The following MED26 variants were observed in gnomAD, a reference collection of about 807,000 sequenced individuals.
The protein encoded by MED26 is mediator complex subunit 26.
Under a neutral mutation model 43.7 loss-of-function variants are expected in MED26, and 7 were observed. The ratio of observed to expected loss-of-function variants is 0.16; its 90% CI spans 0.09 to 0.30. The LOEUF is 0.30. Ranked by LOEUF, MED26 falls within the 10% of genes least tolerant of loss-of-function variation. The pLI is 1.00. For missense variants in MED26, 784 were observed against 840.6 expected (o/e 0.93, Z 0.83); for synonymous variants, 375 against 371.1 (o/e 1.01, Z -0.12).
intron 1 of MED26, among the ~76,000 whole-genome samples, chr19:16,618,271 G>A (rs2086234869): frequency 1.3e-5 from 2 of 152,132 alleles, no homozygotes; most frequent in Non-Finnish European, 2.9e-5. Flanking sequence ...GTGGGGTTCA[G>A]GCCACCTGGA....
At chr19:16,596,219 C>A (rs1296854687) in intron 1 of MED26, among the ~76,000 whole-genome samples, 5 of 152,158 alleles carry the variant, frequency 3.3e-5, no homozygotes, top group Non-Finnish European at 7.3e-5. Flanking sequence ...AGTGCAATGA[C>A]CCCATCACAA....
At chr19:16,605,652 G>A (rs1446393302) in intron 1 of MED26, among the ~76,000 whole-genome samples, 4 of 152,194 alleles carry the variant, frequency 2.6e-5, no homozygotes, top group Non-Finnish European at 4.4e-5. Context: ...CCAGCCAGGC[G>A]GCACTAGAGG....
At chr19:16,602,418 C>A (rs1451347446) in intron 1 of MED26, among the ~76,000 whole-genome samples, 1 of 152,150 alleles carries the variant, frequency 6.6e-6, no homozygotes, top group African/African-American at 2.4e-5. Context: ...TGAATGGGAC[C>A]CTGAATGCCA....
chr19:16,577,362 G>C lies in MED26; in HGVS notation c.468C>G (p.Leu156=). Residue 156 remains leucine, a synonymous_variant, in exon 3 of 3, where the codon CTC becomes CTG. Transcript: ENST00000263390. This position sits in a 1 kb window ranked among gnomAD's most constrained non-coding sequence, Gnocchi z 8.1. ...CCTTGGGTGGCGGCCCTGGGTGGCCGAGGTCACGCTGGTCACCCCGGCGCT... is the reference window on the plus strand; with the variant it reads ...CCTTGGGTGGCGGCCCTGGGTGGCCCAGGTCACGCTGGTCACCCCGGCGCT... ...SRKRRGDQRD[L]GHPGPPPKVS... 6.2e-7 allele frequency: 1 copy of C among 1,611,452 alleles called. No homozygotes were observed. The highest frequency in any genetic ancestry group is 8.5e-7 in the Non-Finnish European group (1 of 1,179,114).
At chr19:16,595,313 C>T (rs2086115246) in intron 1 of MED26, among the ~76,000 whole-genome samples, 1 of 152,164 alleles carries the variant, frequency 6.6e-6, no homozygotes, top group African/African-American at 2.4e-5. Context: ...GCTGTGCTGA[C>T]CGAGCACACC....
chr19:16,584,527 C>G (rs1159377621), intron 1 of MED26, among the ~76,000 whole-genome samples: 1 of 152,172 alleles, frequency 6.6e-6, no homozygotes, highest in East Asian at 1.9e-4. Context: ...TCAGAAGCAG[C>G]CTGGGTCAGG....
intron 1 of MED26, among the ~76,000 whole-genome samples, chr19:16,605,544 C>T (rs772257888): frequency 1.2e-4 from 18 of 152,338 alleles, no homozygotes; most frequent in Admixed American, 5.2e-4. Flanking sequence ...TAGGATTGGC[C>T]AGGCTGCCCC....
At chr19:16,589,630 T>C (rs2086087077) in intron 1 of MED26, among the ~76,000 whole-genome samples, 1 of 152,178 alleles carries the variant, frequency 6.6e-6, no homozygotes, top group Admixed American at 6.5e-5. Context: ...GGAGAGGACG[T>C]TGAAGATGGC....
intron 1 of MED26, among the ~76,000 whole-genome samples, chr19:16,607,128 T>C (rs75759118): frequency 0.042 from 6,369 of 152,134 alleles, 180 homozygotes; most frequent in African/African-American, 0.085. Context: ...GATCGCTTGA[T>C]GCCAGGAGTT....
rs193034009 is a variant in MED26 at position 16,587,321 on chromosome 19, C to T, written c.73-8912G>A. On this transcript the variant is annotated intron_variant, in intron 1 of 2. Coordinates refer to ENST00000263390, the MANE Select transcript of MED26 (RefSeq NM_004831.5). The surrounding 1 kb of genome is among the most constrained non-coding windows in gnomAD (Gnocchi z 4.9). ...ACAAGAGGCGGCACCTGCATCCCCA[C>T]CCCACCTCCACCCCAAGACCCCAGC... 7.0e-3 allele frequency: 1,074 copies of T among 152,406 alleles called. 3 individuals are homozygous for T. The highest frequency in any genetic ancestry group is 9.4e-3 in the Non-Finnish European group (644 of 68,168). 9.4% of individuals were successfully genotyped at this position (152,406 alleles called of 1,614,324 possible).
Position 16,576,965 on chromosome 19 carries a change from T to C in MED26, c.865A>G (p.Ser289Gly). The C allele has an allele frequency of 6.3e-7, 1 of 1,598,670 alleles. No homozygotes were observed. Among genetic ancestry groups the C allele is most frequent in the Non-Finnish European group, 8.5e-7 (1 of 1,170,358 alleles). Residue 289 changes from serine (S) to glycine (G), a missense_variant, in exon 3 of 3, where the codon AGC becomes GGC. Transcript: ENST00000263390. This position sits in a 1 kb window ranked among gnomAD's most constrained non-coding sequence, Gnocchi z 6.8. ...ACGGAGCCCTTGGGTGCATACAAGC[T>C]CTGCTGCCGGGCAAAGGAGCCCTCA... is the stretch of plus-strand genomic sequence containing the variant. ...RHEGSFARQQ[S>G]LYAPKGSVPS...
In MED26 at chr19:16,619,460, T is replaced by C. The variant is rs527627772; in HGVS notation, c.72+8412A>G. ...CAAGCTGGGCCAGGAACCTGATGAC[T>C]AGAACGGGGGACATCAAAACAAGTC... On this transcript the variant is annotated intron_variant, in intron 1 of 2. Coordinates refer to ENST00000263390, the MANE Select transcript of MED26 (RefSeq NM_004831.5). 3.9e-5 allele frequency among the ~76,000 whole-genome samples: 6 copies of C among 152,296 alleles called. No homozygotes were observed. In the East Asian group the frequency reaches 9.6e-4, roughly 24 times the overall value.
In MED26 at chr19:16,576,494, C is replaced by T; in HGVS notation, c.1336G>A (p.Asp446Asn). Residue 446 changes from aspartate to asparagine, a missense_variant, in exon 3 of 3, where the codon GAC (aspartate) becomes AAC (asparagine). Transcript: ENST00000263390. This position sits in a 1 kb window ranked among gnomAD's most constrained non-coding sequence, Gnocchi z 6.8. ...TGCTGCTCCATGTGCACAGGGCTGT[C>T]TGCCCGCACTGGCTCTTTCTGGGTC... ...PLTQKEPVRADSPVHMEQQSR... is the reference protein window; with the variant it reads ...PLTQKEPVRANSPVHMEQQSR... The T allele has an allele frequency of 6.2e-7, 1 of 1,614,228 alleles. No homozygotes were observed. The highest frequency in any genetic ancestry group is 8.5e-7 in the Non-Finnish European group (1 of 1,180,054).
At chr19:16,593,631 C>T (rs1056502159) in intron 1 of MED26, among the ~76,000 whole-genome samples, 1 of 152,194 alleles carries the variant, frequency 6.6e-6, no homozygotes, top group African/African-American at 2.4e-5. Context: ...AGGGGTCTCC[C>T]TCTGTGGCAA....
At chr19:16,590,995 G>A (rs2086094278) in intron 1 of MED26, among the ~76,000 whole-genome samples, 1 of 151,672 alleles carries the variant, frequency 6.6e-6, no homozygotes, top group South Asian at 2.1e-4. Flanking sequence ...AGCTGAGATT[G>A]CACCACTGCA....
rs61734286 is a variant in MED26 at position 16,577,059 on chromosome 19, G to A, written c.771C>T (p.Asp257=). 5.2e-3 allele frequency: 8,426 copies of A among 1,608,076 alleles called. 405 individuals carry two copies. The African/African-American group carries it at 0.1, about 19-fold the overall frequency. The change falls in exon 3 of 3, where the codon GAC becomes GAT. Residue 257 remains aspartate, a synonymous_variant. Transcript: ENST00000263390. The surrounding 1 kb of genome is among the most constrained non-coding windows in gnomAD (Gnocchi z 8.1). The part of the protein sequence containing the change: ...ASVLQQLDRV[D]ETPGPPHPKG... ...TGGGATGGGGAGGCCCCGGAGTCTC[G>A]TCCACCCTGTCCAGCTGCTGCAGCA...
intron 2 of MED26, 131 bp downstream of exon 2, chr19:16,578,204 A>G: frequency 1.2e-6 from 1 of 867,998 alleles, no homozygotes; most frequent in Non-Finnish European, 1.9e-6. Context: ...ACGAGCTGTG[A>G]GGGCACACCG....
intron 1 of MED26, among the ~76,000 whole-genome samples, chr19:16,607,529 AAC>A (rs1197989125): frequency 2.6e-5 from 4 of 152,200 alleles, no homozygotes; most frequent in African/African-American, 9.6e-5. Flanking sequence ...GAAGAAAATA[AAC>A]AGTGTGATTA....
chr19:16,601,519 C>T (rs2086149356), intron 1 of MED26, among the ~76,000 whole-genome samples: 2 of 152,248 alleles, frequency 1.3e-5, no homozygotes, highest in African/African-American at 4.8e-5. Context: ...TAAAGCACGC[C>T]TGTGGCCTTG....
Sources: gnomAD v4.1 joint callset for allele counts (sites outside exome capture counted in the v4.1 genomes callset) on GRCh38, gnomAD v4.1.1 for gene constraint, Gnocchi (gnomAD v3.1) non-coding constraint, MANE v1.5 for transcripts, NCBI Gene and HGNC (gene_info 2026-07-23, HGNC 2026-07-21) for gene names.